STXBP6: variants seen among roughly 807,000 people sequenced by gnomAD.
STXBP6 encodes syntaxin-binding protein 6.
STXBP6 carries 21 observed loss-of-function variants against 26.9 expected under a neutral mutation model. The observed-to-expected ratio is 0.78, with a 90% confidence interval of 0.55 to 1.12. STXBP6 has a LOEUF of 1.12. Ranked by LOEUF, STXBP6 falls within the 50% of genes most tolerant of loss-of-function variation. The pLI, the probability that STXBP6 is intolerant of heterozygous loss-of-function variation, is 0.00. For missense variants in STXBP6, 232 were observed against 257.9 expected, an observed-to-expected ratio of 0.90 and a Z score of 0.69; for synonymous variants, 97 against 92.6, an observed-to-expected ratio of 1.05 and a Z score of -0.27.
chr14:24,904,868 C>T (rs1444902373), intron 2 of STXBP6, among the ~76,000 whole-genome samples: 2 of 152,118 alleles, frequency 1.3e-5, no homozygotes, highest in East Asian at 3.9e-4. Flanking sequence ...ATGAATACAG[C>T]ATTCAAAGCA....
chr14:24,973,403 T>A (rs1261563576), intron 2 of STXBP6, among the ~76,000 whole-genome samples: 4 of 126,278 alleles, frequency 3.2e-5, no homozygotes, highest in East Asian at 2.4e-4. Flanking sequence ...TTTTTTTTTT[T>A]GAGACAGAGT....
chr14:25,002,356 T>A (rs558413979), intron 1 of STXBP6, among the ~76,000 whole-genome samples: 1 of 144,836 alleles, frequency 6.9e-6, no homozygotes, highest in East Asian at 1.9e-4. Flanking sequence ...TAAATTCTTA[T>A]GACTTTTTTT....
intron 1 of STXBP6, among the ~76,000 whole-genome samples, chr14:25,019,391 C>G (rs1163081959): frequency 6.6e-6 from 1 of 152,140 alleles, no homozygotes; most frequent in Non-Finnish European, 1.5e-5. Context: ...AAGAATCTAT[C>G]AAAGAGCTAA....
At chr14:24,993,430 C>T (rs571433446) in intron 1 of STXBP6, among the ~76,000 whole-genome samples, 41 of 152,172 alleles carry the variant, frequency 2.7e-4, no homozygotes, top group Non-Finnish European at 5.1e-4. Flanking sequence ...CACATCTACC[C>T]GCTTCTCTTT....
rs1487388848 is a variant in STXBP6 at position 24,838,442 on chromosome 14, T to C, written c.451+17494A>G. Among the ~76,000 whole-genome samples, 5 of 152,094 alleles carry C rather than the reference T, an allele frequency of 3.3e-5. No individual in the cohort carries two copies. The East Asian group carries it at 9.6e-4, about 29-fold the overall frequency. ...GGCTCATGCCTGTAATCCGAGCACT[T>C]TGGGAGGCCAAGGCCAGTGGATCAT... On this transcript the variant is annotated intron_variant, in intron 4 of 5. Coordinates refer to ENST00000323944, the MANE Select transcript of STXBP6 (RefSeq NM_001394410.1).
chr14:24,846,534 G>A (rs2068968521), intron 4 of STXBP6, among the ~76,000 whole-genome samples: 1 of 152,128 alleles, frequency 6.6e-6, no homozygotes, highest in South Asian at 2.1e-4. Context: ...CTACAAACTG[G>A]GAGAGTGGAT....
At chr14:24,973,384 T>C (rs1476820695) in intron 2 of STXBP6, among the ~76,000 whole-genome samples, 2 of 123,590 alleles carry the variant, frequency 1.6e-5, no homozygotes, top group Non-Finnish European at 3.4e-5. Flanking sequence ...TCTTCCTTTT[T>C]TTTTTTTTTT....
rs538230969 is a variant in STXBP6 at position 24,874,848 on chromosome 14, G to A, written c.155-17691C>T. On this transcript the variant is annotated intron_variant, in intron 2 of 5. Transcript: ENST00000323944. ...TCGACCGGCTGTCTCCTGAGAGGAT[G>A]GGGATGCTCCTTCCTGACTCCCTGT... is the stretch of plus-strand genomic sequence containing the variant. Among the ~76,000 whole-genome samples the A allele has an allele frequency of 1.2e-4, 18 of 152,210 alleles. 1 individual carries two copies. In the South Asian group the frequency reaches 3.5e-3, roughly 30 times the overall value.
intron 2 of STXBP6, among the ~76,000 whole-genome samples, chr14:24,919,363 T>C (rs1031887060): frequency 6.6e-6 from 1 of 152,010 alleles, no homozygotes; most frequent in Non-Finnish European, 1.5e-5. Context: ...GACAGAAATG[T>C]GTATACCATT....
At chr14:24,878,623 TATTTATTTTTAA>T in intron 2 of STXBP6, 1 of 182,096 alleles carries the variant, frequency 5.5e-6, no homozygotes, top group Non-Finnish European at 1.2e-5. Flanking sequence ...CTTATTTATT[TATTTATTTTTAA>T]ATTTATTTTT....
chr14:24,901,351 C>CG (rs2071205964), intron 2 of STXBP6, among the ~76,000 whole-genome samples: 1 of 151,856 alleles, frequency 6.6e-6, no homozygotes, highest in South Asian at 2.1e-4. Context: ...ATGGCTCCCC[C>CG]CCAAAAAAAG....
At chr14:24,867,468 G>A (rs1156990756) in intron 2 of STXBP6, among the ~76,000 whole-genome samples, 2 of 152,154 alleles carry the variant, frequency 1.3e-5, no homozygotes, top group South Asian at 4.1e-4. Flanking sequence ...ATAGATCAAT[G>A]CAACAGAATA....
chr14:24,956,199 C>T (rs8021017), intron 2 of STXBP6, among the ~76,000 whole-genome samples: 6,574 of 152,052 alleles, frequency 0.043, 456 homozygotes, highest in African/African-American at 0.15. Context: ...AAAATCACTG[C>T]ATCTTTGAAT....
At position 24,857,147 on chromosome 14, in the gene STXBP6, C is replaced by A; in HGVS notation, c.165G>T (p.Lys55Asn). 6.2e-7 allele frequency: 1 copy of A among 1,612,788 alleles called. No individual in the cohort carries two copies. The highest frequency in any genetic ancestry group is 8.5e-7 in the Non-Finnish European group (1 of 1,179,126). ...LTYICLSVTN[K>N]KPTQASITKV... ...TTGTGATGGACGCCTGTGTGGGTTT[C>A]TTGTTTGTCACTGCCAAGAAAAGAT... Residue 55 changes from lysine to asparagine, a missense_variant, in exon 3 of 6, where the codon AAG becomes AAT. By Grantham distance (94) the Lys-to-Asn change is moderately conservative. Transcript: ENST00000323944.
At chr14:24,823,103 T>C (rs1426492406) in intron 4 of STXBP6, among the ~76,000 whole-genome samples, 2 of 152,164 alleles carry the variant, frequency 1.3e-5, no homozygotes, top group Non-Finnish European at 2.9e-5. Flanking sequence ...AATTAGTCTC[T>C]GGAGATAGAG....
At chr14:24,994,432 C>G (rs1217352600) in intron 1 of STXBP6, among the ~76,000 whole-genome samples, 1 of 152,178 alleles carries the variant, frequency 6.6e-6, no homozygotes, top group Non-Finnish European at 1.5e-5. Flanking sequence ...GCACCAAGCT[C>G]AAACCACTCT....
chr14:25,039,412 TCTTTTA>T (rs998283824), intron 1 of STXBP6, among the ~76,000 whole-genome samples: 1 of 152,200 alleles, frequency 6.6e-6, no homozygotes, highest in African/African-American at 2.4e-5. Context: ...GCATCAAGTT[TCTTTTA>T]CTTAGTTTCT....
chr14:25,016,067 G>T (rs2075140881), intron 1 of STXBP6, among the ~76,000 whole-genome samples: 1 of 152,262 alleles, frequency 6.6e-6, no homozygotes, highest in East Asian at 1.9e-4. Context: ...AAGTGTCAGA[G>T]GGCTGTTGTA....
At chr14:24,860,816 T>C (rs2069511047) in intron 2 of STXBP6, among the ~76,000 whole-genome samples, 1 of 150,334 alleles carries the variant, frequency 6.7e-6, no homozygotes, top group Admixed American at 6.6e-5. Flanking sequence ...GAAAAACAGA[T>C]TGCACCCCCA....
Sources: allele counts gnomAD v4.1 joint callset (sites outside exome capture counted in the v4.1 genomes callset), GRCh38; gene constraint gnomAD v4.1.1; transcripts MANE v1.5; gene names NCBI Gene and HGNC (gene_info 2026-07-23, HGNC 2026-07-21).